SYNE1: variants seen among roughly 807,000 people sequenced by gnomAD.
The protein encoded by SYNE1 is spectrin repeat containing nuclear envelope protein 1.
In SYNE1, 616 loss-of-function variants were observed where a neutral mutation model predicts 1,111.0. The observed-to-expected ratio is 0.55, with a 90% CI of 0.52 to 0.59. The LOEUF is 0.59. Ranked by LOEUF, SYNE1 falls within the 20% of genes least tolerant of loss-of-function variation. The probability of loss-of-function intolerance (pLI) is 0.00; values close to 1 mark genes in which losing one functional copy is unlikely to be tolerated. For synonymous variants in SYNE1, 3,855 were observed against 3,825.8 expected, an observed-to-expected ratio of 1.01 and a Z score of -0.28; for missense variants, 10,006 against 10,417.0, an observed-to-expected ratio of 0.96 and a Z score of 1.72.
chr6:152,264,699 C>T (rs1466277038), intron 100 of SYNE1, among the ~76,000 whole-genome samples: 1 of 152,062 alleles, frequency 6.6e-6, no homozygotes, highest in Non-Finnish European at 1.5e-5. Context: ...ACTTTGGAGG[C>T]TAAGGCAAGA....
chr6:152,374,063 G>A (rs1326891853), intron 58 of SYNE1, among the ~76,000 whole-genome samples: 1 of 152,194 alleles, frequency 6.6e-6, no homozygotes, highest in Non-Finnish European at 1.5e-5. Context: ...CTATTAAATG[G>A]AGCAGATTAC....
chr6:152,363,497 C>CTAAA (rs72461138), intron 63 of SYNE1, among the ~76,000 whole-genome samples: 6,925 of 144,118 alleles, frequency 0.048, 281 homozygotes, highest in African/African-American at 0.1. Context: ...CCGTCTCAAA[C>CTAAA]TAAATAAATA....
chr6:152,539,632 C>T (rs1043092191), intron 4 of SYNE1, among the ~76,000 whole-genome samples: 3 of 152,108 alleles, frequency 2.0e-5, no homozygotes, highest in Non-Finnish European at 4.4e-5. Flanking sequence ...TAGGAACAAA[C>T]ACACACAAAC....
intron 128 of SYNE1, among the ~76,000 whole-genome samples, chr6:152,180,934 C>CTTT (rs11454864): frequency 6.6e-6 from 1 of 150,822 alleles, no homozygotes. Flanking sequence ...TCTTTTCCTT[C>CTTT]TTTTTTTTTC....
At chr6:152,336,370 C>T (rs76406126) in intron 76 of SYNE1, 8,125 of 201,912 alleles carry the variant, frequency 0.04, 196 homozygotes, top group Non-Finnish European at 0.054. Flanking sequence ...TTTGCTATTC[C>T]TTAAAGCAGC....
Position 152,130,754 on chromosome 6 carries a change from G to T in SYNE1, c.26119C>A (p.Gln8707Lys), listed in dbSNP as rs766451862. 1 of 1,614,170 alleles carries T rather than the reference G, an allele frequency of 6.2e-7. No individual in the cohort carries two copies. The highest frequency in any genetic ancestry group is 8.5e-7 in the Non-Finnish European group (1 of 1,180,038). Residue 8707 changes from glutamine to lysine, a missense_variant, in exon 145 of 146, where the codon CAG (glutamine) becomes AAG (lysine). Gln to Lys is a moderately conservative substitution (Grantham distance 53). Around this residue, in one of 7 missense-constraint regions of SYNE1, gnomAD observed 761 missense variants for 795.5 expected, o/e 0.96. Coordinates refer to ENST00000367255, the MANE Select transcript of SYNE1 (RefSeq NM_182961.4). Reference sequence around the variant, plus strand: ...GGACTGCTGACAGAGGGTCCAGGCTGTGAGAGACTACACTTGCCTCGTGGC... The same window carrying T: ...GGACTGCTGACAGAGGGTCCAGGCTTTGAGAGACTACACTTGCCTCGTGGC... The part of the protein sequence containing the change: ...KTPRGKCSLS[Q>K]PGPSVSSPHS...
At chr6:152,458,179 G>T (rs1457599870) in intron 22 of SYNE1, among the ~76,000 whole-genome samples, 1 of 152,082 alleles carries the variant, frequency 6.6e-6, no homozygotes, top group Non-Finnish European at 1.5e-5. Context: ...CTAGTAGGCA[G>T]GAACTCTAAG....
chr6:152,352,095 T>C lies in SYNE1; in HGVS notation c.11512A>G (p.Ile3838Val). The stretch of plus-strand genomic sequence containing the variant: ...TTGGGTTCTTCAGGAACATGTAGAA[T>C]TTCCTGGTATTCTGCTATCCACTGT... The part of the protein sequence containing the change: ...LTQWIAEYQE[I>V]LHVPEEPKME... The change falls in exon 70 of 146, where the codon ATT becomes GTT. Residue 3838 changes from isoleucine to valine, a missense_variant. By Grantham distance (29) the Ile-to-Val change is conservative. Transcript: ENST00000367255. 6.2e-7 allele frequency: 1 copy of C among 1,614,254 alleles called. No homozygotes were observed. Among genetic ancestry groups the C allele is most frequent in the Non-Finnish European group, 8.5e-7 (1 of 1,180,050 alleles).
intron 48 of SYNE1, among the ~76,000 whole-genome samples, chr6:152,399,028 T>C (rs2097774361): frequency 6.6e-6 from 1 of 152,172 alleles, no homozygotes; most frequent in African/African-American, 2.4e-5. Flanking sequence ...AGAAAAATAA[T>C]TAATTGCCTG....
At chr6:152,554,078 G>T (rs183955480) in intron 3 of SYNE1, among the ~76,000 whole-genome samples, 43 of 152,140 alleles carry the variant, frequency 2.8e-4, no homozygotes, top group African/African-American at 9.4e-4. Context: ...TCAGCTGTGA[G>T]TCTTCAGCAG....
intron 6 of SYNE1, among the ~76,000 whole-genome samples, chr6:152,515,412 C>A (rs1175716597): frequency 2.0e-5 from 3 of 152,048 alleles, no homozygotes; most frequent in Admixed American, 2.0e-4. Flanking sequence ...TCATTCTCAA[C>A]AATAATGCAA....
chr6:152,262,006 A>C, intron 101 of SYNE1, 26 bp downstream of exon 101: 2 of 1,568,204 alleles, frequency 1.3e-6, no homozygotes, highest in South Asian at 2.3e-5. Flanking sequence ...TATATTAGTT[A>C]ATATATAATG....
chr6:152,362,088 C>T (rs1263678434), intron 64 of SYNE1, 82 bp downstream of exon 64: 13 of 1,596,150 alleles, frequency 8.1e-6, no homozygotes, highest in Non-Finnish European at 1.1e-5. Context: ...CCCTAGGGTA[C>T]ACGTAATCCC....
chr6:152,323,360 A>C, intron 82 of SYNE1, 118 bp downstream of exon 82: 343 of 1,364,838 alleles, frequency 2.5e-4, no homozygotes, highest in Non-Finnish European at 2.9e-4. Flanking sequence ...AATGGCGTGA[A>C]CCCGGGAGGC....
At chr6:152,515,253 T>TA (rs1199658083) in intron 6 of SYNE1, among the ~76,000 whole-genome samples, 4 of 150,982 alleles carry the variant, frequency 2.6e-5, no homozygotes, top group African/African-American at 9.7e-5. Flanking sequence ...AGAAAAAAAG[T>TA]AAAAAATTTG....
Position 152,219,151 on chromosome 6 carries a change from G to A in SYNE1, c.21896C>T (p.Ser7299Phe), listed in dbSNP as rs1380492441. 1.9e-6 allele frequency: 3 copies of A among 1,613,904 alleles called. No individual in the cohort carries two copies. The highest frequency in any genetic ancestry group is 1.1e-5 in the South Asian group (1 of 91,076). The change falls in exon 120 of 146, where the codon TCC (serine) becomes TTC (phenylalanine). Residue 7299 changes from serine (S) to phenylalanine (F), a missense_variant. This residue lies in a region of SYNE1 where 2,182 missense variants were observed against 2,287.8 expected (regional missense o/e 0.95). Coordinates refer to ENST00000367255, the MANE Select transcript of SYNE1 (RefSeq NM_182961.4). ...TCCCAGCTCATGGAGAAAAAAGAGG[G>A]AATCTTTAACTGTGCCCAGTCCTTT... ...LLKGLGTVKD[S>F]LFFLHELGEQ...
At position 152,427,801 on chromosome 6, in the gene SYNE1, T is replaced by C. The variant is rs187410988; in HGVS notation, c.4992A>G (p.Leu1664=). The C allele has an allele frequency of 3.2e-5, 52 of 1,614,128 alleles. No individual in the cohort carries two copies. In the Admixed American group the frequency reaches 5.3e-4, roughly 17 times the overall value. ...GCTCTAACCAGGTCAAAAAGGATGA[T>C]AGTTCTTTCTCTAGCCTAAAGGAAG... The part of the protein sequence containing the change: ...LAHWQRLEKE[L]SSFLTWLERG... Residue 1664 remains leucine (L), a synonymous_variant, in exon 38 of 146, where the codon CTA becomes CTG. Coordinates refer to ENST00000367255, the MANE Select transcript of SYNE1 (RefSeq NM_182961.4).
intron 3 of SYNE1, among the ~76,000 whole-genome samples, chr6:152,553,033 T>C (rs982751758): frequency 7.2e-5 from 11 of 152,358 alleles, no homozygotes; most frequent in African/African-American, 2.6e-4. Flanking sequence ...ATCTATCTTC[T>C]ATTTAGAATG....
intron 84 of SYNE1, among the ~76,000 whole-genome samples, chr6:152,319,341 G>A (rs1003930944): frequency 1.3e-5 from 2 of 152,162 alleles, no homozygotes; most frequent in African/African-American, 2.4e-5. Context: ...ATTAACTAAC[G>A]TAATGACCTT....
Sources: allele counts gnomAD v4.1 joint callset (sites outside exome capture counted in the v4.1 genomes callset), GRCh38; gene constraint gnomAD v4.1.1; regional missense constraint gnomAD v4.1.1; transcripts MANE v1.5; gene names NCBI Gene and HGNC (gene_info 2026-07-23, HGNC 2026-07-21).